The following SYNPR variants were observed in gnomAD, a reference collection of about 807,000 sequenced individuals.
SYNPR encodes synaptoporin.
SYNPR carries 23 observed loss-of-function variants against 32.9 expected under a neutral mutation model. The observed-to-expected ratio is 0.70, with a 90% confidence interval of 0.50 to 0.99. The LOEUF is 0.99. Ranked by LOEUF, SYNPR falls within the 50% of genes least tolerant of loss-of-function variation. SYNPR has a pLI of 0.00. For missense variants in SYNPR, 318 were observed against 349.3 expected (o/e 0.91, Z 0.71); for synonymous variants, 146 against 135.9 (o/e 1.07, Z -0.52).
intron 3 of SYNPR, among the ~76,000 whole-genome samples, chr3:63,486,530 G>A (rs1178660937): frequency 6.6e-6 from 1 of 152,146 alleles, no homozygotes; most frequent in Non-Finnish European, 1.5e-5. Flanking sequence ...TTTCAGAGCT[G>A]AATCCTCTAA....
chr3:63,503,829 C>G (rs973943703), intron 3 of SYNPR, among the ~76,000 whole-genome samples: 1 of 151,876 alleles, frequency 6.6e-6, no homozygotes, highest in African/African-American at 2.4e-5. Flanking sequence ...TCTTAAAGGA[C>G]AGTCAGTGGC....
chr3:63,289,277 T>G (rs904015708), intron 2 of SYNPR: 1 of 152,274 alleles, frequency 6.6e-6, no homozygotes, highest in East Asian at 1.9e-4. Flanking sequence ...GAATGTTGAT[T>G]GTGAGATGTC....
intron 2 of SYNPR, among the ~76,000 whole-genome samples, chr3:63,262,942 T>G (rs1274962074): frequency 6.6e-6 from 1 of 152,224 alleles, no homozygotes; most frequent in Non-Finnish European, 1.5e-5. Flanking sequence ...ATTTGCATAC[T>G]AATAAAATTG....
chr3:63,494,436 T>TACAC (rs1701324282), intron 3 of SYNPR, among the ~76,000 whole-genome samples: 2 of 92,206 alleles, frequency 2.2e-5, no homozygotes, highest in African/African-American at 1.1e-4. Flanking sequence ...TATATATACG[T>TACAC]ATATATATAT....
chr3:63,354,881 G>A (rs1332292223), intron 2 of SYNPR, among the ~76,000 whole-genome samples: 1 of 152,196 alleles, frequency 6.6e-6, no homozygotes, highest in African/African-American at 2.4e-5. Context: ...ACTTTCACAT[G>A]TATTATCTAA....
intron 2 of SYNPR, chr3:63,442,978 A>G (rs1460063667): frequency 1.0e-6 from 1 of 980,130 alleles, no homozygotes; most frequent in Non-Finnish European, 1.2e-6. Flanking sequence ...CTTTAAAAAA[A>G]TCTCCTAGTT....
At chr3:63,301,795 C>T (rs959283139) in intron 2 of SYNPR, among the ~76,000 whole-genome samples, 2 of 152,052 alleles carry the variant, frequency 1.3e-5, no homozygotes, top group South Asian at 4.1e-4. Flanking sequence ...ATTTGTGTCA[C>T]TTCTTCATAC....
At chr3:63,435,420 A>G (rs1044202707) in intron 2 of SYNPR, among the ~76,000 whole-genome samples, 9 of 152,220 alleles carry the variant, frequency 5.9e-5, no homozygotes, top group African/African-American at 2.2e-4. Flanking sequence ...GGAAATCACA[A>G]CTGCCAAATT....
At chr3:63,427,075 T>C (rs1699905624) in intron 2 of SYNPR, among the ~76,000 whole-genome samples, 1 of 151,772 alleles carries the variant, frequency 6.6e-6, no homozygotes, top group African/African-American at 2.4e-5. Context: ...AATTCAAACT[T>C]GGAAGACCAA....
At chr3:63,375,033 C>T (rs760545325) in intron 2 of SYNPR, among the ~76,000 whole-genome samples, 1 of 152,176 alleles carries the variant, frequency 6.6e-6, no homozygotes, top group Non-Finnish European at 1.5e-5. Context: ...TACCATCTCA[C>T]ACCAGTTAGA....
intron 2 of SYNPR, among the ~76,000 whole-genome samples, chr3:63,402,042 C>A (rs1012870516): frequency 2.6e-5 from 4 of 151,442 alleles, no homozygotes; most frequent in African/African-American, 9.8e-5. Context: ...TGCTGTTCAT[C>A]CTTAATTTCA....
At chr3:63,461,774 G>C (rs1700587817) in intron 2 of SYNPR, among the ~76,000 whole-genome samples, 1 of 151,900 alleles carries the variant, frequency 6.6e-6, no homozygotes, top group Non-Finnish European at 1.5e-5. Context: ...TGTTACAGAA[G>C]TTACCATGCT....
intron 5 of SYNPR, among the ~76,000 whole-genome samples, chr3:63,609,643 A>G (rs1700170807): frequency 6.6e-6 from 1 of 152,236 alleles, no homozygotes; most frequent in Admixed American, 6.5e-5. Context: ...GCAATGGCTC[A>G]CGCCTATAAT....
chr3:63,277,497 G>A (rs374685329), upstream of SYNPR, among the ~76,000 whole-genome samples: 22 of 152,170 alleles, frequency 1.4e-4, no homozygotes, highest in African/African-American at 5.3e-4. Context: ...TTCATTTGGG[G>A]GTCAGATATC....
At chr3:63,531,138 G>T (rs544453487) in intron 3 of SYNPR, among the ~76,000 whole-genome samples, 6 of 152,262 alleles carry the variant, frequency 3.9e-5, no homozygotes, top group African/African-American at 9.6e-5. Context: ...CCGCGATGCT[G>T]GAAGACTGTC....
chr3:63,517,434 T>C (rs983915481), intron 3 of SYNPR, among the ~76,000 whole-genome samples: 1 of 152,096 alleles, frequency 6.6e-6, no homozygotes, highest in Non-Finnish European at 1.5e-5. Flanking sequence ...TTAAGTGAAT[T>C]TGTACTGAAA....
At chr3:63,343,845 G>C (rs1355215899) in intron 2 of SYNPR, among the ~76,000 whole-genome samples, 2 of 152,220 alleles carry the variant, frequency 1.3e-5, no homozygotes, top group Non-Finnish European at 2.9e-5. Context: ...CAGATGTCTG[G>C]GACGGTGACT....
chr3:63,301,516 A>C (rs1215600440), intron 2 of SYNPR, among the ~76,000 whole-genome samples: 1 of 152,106 alleles, frequency 6.6e-6, no homozygotes, highest in Non-Finnish European at 1.5e-5. Context: ...TCTCATATTG[A>C]GTTGATGTCT....
intron 2 of SYNPR, among the ~76,000 whole-genome samples, chr3:63,414,045 G>T (rs1451084225): frequency 6.6e-6 from 1 of 151,276 alleles, no homozygotes; most frequent in Non-Finnish European, 1.5e-5. Flanking sequence ...GAGACAGAGA[G>T]GGAGAGATCT....
Sources: allele counts gnomAD v4.1 joint callset (sites outside exome capture counted in the v4.1 genomes callset), GRCh38; gene constraint gnomAD v4.1.1; transcripts MANE v1.5; gene names NCBI Gene and HGNC (gene_info 2026-07-23, HGNC 2026-07-21).